Variants in ZC3H12B observed in about 807,000 individuals in gnomAD.
ZC3H12B encodes the protein zinc finger CCCH-type containing 12B.
In ZC3H12B, 7 loss-of-function variants were observed where a neutral mutation model predicts 43.9. That is an observed-to-expected ratio of 0.16 (90% confidence interval 0.09 to 0.30). ZC3H12B has a LOEUF of 0.30. ZC3H12B is among the 10% of genes least tolerant of loss of function. ZC3H12B has a pLI of 1.00. For missense variants in ZC3H12B, 475 were observed against 670.2 expected, an observed-to-expected ratio of 0.71 and a Z score of 3.22; for synonymous variants, 222 against 241.7, an observed-to-expected ratio of 0.92 and a Z score of 0.76.
chrX:65,187,627 C>G, the ZC3H12B span, among the ~76,000 whole-genome samples: 1 of 109,366 alleles, frequency 9.1e-6, no homozygotes, highest in East Asian at 2.9e-4. Flanking sequence ...TTTGCACCAG[C>G]CCAACCTAAA....
At chrX:65,117,072 C>A in the ZC3H12B span, among the ~76,000 whole-genome samples, 2 of 111,869 alleles carry the variant, frequency 1.8e-5, no homozygotes, top group Non-Finnish European at 3.8e-5. Flanking sequence ...TGGGTATATA[C>A]CCAGGAATGG....
the ZC3H12B span, among the ~76,000 whole-genome samples, chrX:65,170,655 T>A: frequency 8.9e-6 from 1 of 112,151 alleles, no homozygotes; most frequent in Non-Finnish European, 1.9e-5. Flanking sequence ...ATTCTCCCTG[T>A]CACTTTCAGG....
At chrX:65,087,840 A>G in the ZC3H12B span, among the ~76,000 whole-genome samples, 1 of 112,284 alleles carries the variant, frequency 8.9e-6, no homozygotes, top group Admixed American at 9.4e-5. Context: ...TCTTAGCTCA[A>G]AATATTTCAT....
At chrX:65,106,014 A>T in the ZC3H12B span, among the ~76,000 whole-genome samples, 1 of 111,951 alleles carries the variant, frequency 8.9e-6, no homozygotes, top group East Asian at 2.8e-4. Flanking sequence ...TTTATTTTTT[A>T]AAACAATGCT....
the ZC3H12B span, among the ~76,000 whole-genome samples, chrX:65,036,092 T>G: frequency 1.8e-5 from 2 of 111,887 alleles, no homozygotes; most frequent in Non-Finnish European, 3.8e-5. Context: ...CAGAAAACAT[T>G]GGCATGAGGC....
chrX:65,218,943 G>A, the ZC3H12B span, among the ~76,000 whole-genome samples: 4 of 112,021 alleles, frequency 3.6e-5, no homozygotes, highest in African/African-American at 1.3e-4. Flanking sequence ...ACCTCCAACA[G>A]AGCAGGTGCT....
At chrX:65,037,768 T>A in the ZC3H12B span, among the ~76,000 whole-genome samples, 1 of 111,298 alleles carries the variant, frequency 9.0e-6, no homozygotes, top group South Asian at 3.8e-4. Flanking sequence ...AGGGAAATTT[T>A]ATAAGCAACA....
intron 3 of ZC3H12B, among the ~76,000 whole-genome samples, chrX:65,451,999 A>G (rs2067521140): frequency 9.0e-6 from 1 of 111,572 alleles, no homozygotes. Flanking sequence ...TGATGGTCAG[A>G]GCTAGGTTGA....
At chrX:65,285,021 A>G in the ZC3H12B span, among the ~76,000 whole-genome samples, 1 of 111,101 alleles carries the variant, frequency 9.0e-6, no homozygotes, top group Admixed American at 9.6e-5. Context: ...AATTATTGCT[A>G]TCACCTAGGT....
At chrX:65,419,428 G>A (rs2066994203) in intron 3 of ZC3H12B, among the ~76,000 whole-genome samples, 2 of 111,984 alleles carry the variant, frequency 1.8e-5, no homozygotes, top group South Asian at 7.5e-4. Context: ...GGTATAATAG[G>A]ACACTTCAGT....
chrX:65,278,973 T>C, the ZC3H12B span, among the ~76,000 whole-genome samples: 1 of 111,768 alleles, frequency 8.9e-6, no homozygotes, highest in East Asian at 2.8e-4. Context: ...GCAAAAGACA[T>C]GATCTTCTTC....
At chrX:65,150,938 A>C in the ZC3H12B span, among the ~76,000 whole-genome samples, 1 of 111,747 alleles carries the variant, frequency 8.9e-6, no homozygotes, top group African/African-American at 3.3e-5. Context: ...ATAAGCACAC[A>C]ATCCCATTTT....
chrX:65,390,894 T>A (rs925885532), intron 2 of ZC3H12B, among the ~76,000 whole-genome samples: 3 of 111,850 alleles, frequency 2.7e-5, no homozygotes, highest in Non-Finnish European at 5.6e-5. Context: ...CAAAACAGAA[T>A]AAAACTAGGA....
At chrX:65,247,180 G>A in the ZC3H12B span, among the ~76,000 whole-genome samples, 111 of 111,937 alleles carry the variant, frequency 9.9e-4, no homozygotes, top group African/African-American at 2.6e-3. Flanking sequence ...AATCAAAACC[G>A]CAATGAAGGC....
the ZC3H12B span, among the ~76,000 whole-genome samples, chrX:65,118,018 T>C: frequency 0.011 from 1,230 of 111,911 alleles, 5 homozygotes; most frequent in Non-Finnish European, 0.017. Flanking sequence ...TTTGTTCTTT[T>C]AGCTTAGGAT....
At chrX:65,374,587 A>G (rs2066318796) in intron 2 of ZC3H12B, among the ~76,000 whole-genome samples, 1 of 110,401 alleles carries the variant, frequency 9.1e-6, no homozygotes, top group African/African-American at 3.3e-5. Flanking sequence ...AGAAGAAAAA[A>G]TCAGGTGAGC....
chrX:65,058,490 G>A, the ZC3H12B span, among the ~76,000 whole-genome samples: 30 of 112,283 alleles, frequency 2.7e-4, no homozygotes, highest in Admixed American at 2.4e-3. Flanking sequence ...GCCTGTACTC[G>A]GGGGTGCCTC....
intron 3 of ZC3H12B, among the ~76,000 whole-genome samples, chrX:65,451,712 A>T (rs1302709876): frequency 8.9e-6 from 1 of 111,907 alleles, no homozygotes; most frequent in Non-Finnish European, 1.9e-5. Context: ...TGTAAATGGG[A>T]AGATCTTTAC....
At chrX:65,153,227 A>G in the ZC3H12B span, among the ~76,000 whole-genome samples, 1 of 112,241 alleles carries the variant, frequency 8.9e-6, no homozygotes, top group African/African-American at 3.2e-5. Flanking sequence ...GCCAAAATTG[A>G]CAAATGGGAT....
Sources: gnomAD v4.1 joint callset for allele counts (sites outside exome capture counted in the v4.1 genomes callset) on GRCh38, gnomAD v4.1.1 for gene constraint, MANE v1.5 for transcripts, NCBI Gene and HGNC (gene_info 2026-07-23, HGNC 2026-07-21) for gene names.